The following SSH2 variants were observed in gnomAD, a reference collection of about 807,000 sequenced individuals.
SSH2 encodes the protein protein phosphatase Slingshot homolog 2.
Under a neutral mutation model 135.2 loss-of-function variants are expected in SSH2, and 37 were observed. The ratio of observed to expected loss-of-function variants is 0.27; its 90% CI spans 0.21 to 0.36. The LOEUF (loss-of-function observed/expected upper bound fraction) is 0.36. Among genes scored for constraint, SSH2 ranks in the 10% least tolerant of loss-of-function variants. SSH2 has a pLI of 1.00. For missense variants in SSH2, 1,408 were observed against 1,765.3 expected (o/e 0.80, Z 3.63); for synonymous variants, 628 against 646.2 (o/e 0.97, Z 0.43).
Position 29,631,897 on chromosome 17 carries a change from G to C in SSH2, c.3297C>G (p.His1099Gln), listed in dbSNP as rs2035694699. The C allele has an allele frequency of 6.2e-7, 1 of 1,614,226 alleles. No homozygotes were observed. The highest frequency in any genetic ancestry group is 8.5e-7 in the Non-Finnish European group (1 of 1,180,040). The change falls in exon 16 of 16, where the codon CAC becomes CAG. Residue 1099 changes from histidine (H) to glutamine (Q), a missense_variant. Around this residue, in one of 3 missense-constraint regions of SSH2, gnomAD observed 1,080 missense variants for 1,144.5 expected, o/e 0.94. Transcript: ENST00000540801. ...AATGAGGCAGAGGTAGCACTTGGGG[G>C]TGCAGAGAAACCTGGTTGGGGTCCA... ...RTLDPNQVSL[H>Q]PQVLPLPHSS... is the part of the protein sequence containing the mutation.
In SSH2 at chr17:29,647,814, C is replaced by G; in HGVS notation, c.1427+330G>C. Reference sequence around the variant, plus strand: ...AGTAGCTGGGATTACAGGGGCCCATCATCATGCCCAGCTAATATTTGTATT... The same window carrying G: ...AGTAGCTGGGATTACAGGGGCCCATGATCATGCCCAGCTAATATTTGTATT... On this transcript the variant is annotated intron_variant, in intron 14 of 15. Coordinates refer to ENST00000540801, the MANE Select transcript of SSH2 (RefSeq NM_001282129.2). 1.2e-5 allele frequency: 3 copies of G among 259,586 alleles called. No individual in the cohort carries two copies. The Middle Eastern group carries it at 4.5e-3, about 386-fold the overall frequency. The allele number at this position is 259,586 out of a possible 1,614,324, so 16.1% of individuals were successfully genotyped here.
At chr17:29,825,973 A>G (rs1405417662) in intron 2 of SSH2, among the ~76,000 whole-genome samples, 3 of 152,220 alleles carry the variant, frequency 2.0e-5, no homozygotes, top group African/African-American at 7.2e-5. Flanking sequence ...ATAGCTACAT[A>G]TATTAAATAT....
intron 5 of SSH2, among the ~76,000 whole-genome samples, chr17:29,689,750 C>T (rs2038384161): frequency 2.0e-5 from 3 of 152,064 alleles, no homozygotes. Flanking sequence ...TAATGCTATT[C>T]CCTCGGCATC....
At chr17:29,682,353 C>G (rs2038021308) in intron 6 of SSH2, among the ~76,000 whole-genome samples, 1 of 152,176 alleles carries the variant, frequency 6.6e-6, no homozygotes, top group African/African-American at 2.4e-5. Flanking sequence ...TCCAACTGAA[C>G]TTTCTGCAAG....
intron 3 of SSH2, among the ~76,000 whole-genome samples, chr17:29,741,589 T>C (rs545097553): frequency 4.6e-5 from 7 of 150,562 alleles, no homozygotes; most frequent in African/African-American, 7.3e-5. Context: ...TGCAAAGCAA[T>C]AGACACGAAA....
chr17:29,642,943 C>A (rs965621109), intron 14 of SSH2, among the ~76,000 whole-genome samples: 2 of 152,220 alleles, frequency 1.3e-5, no homozygotes, highest in African/African-American at 4.8e-5. Flanking sequence ...AACCATGGAG[C>A]TACCGAATGC....
chr17:29,698,253 T>G (rs982024649), intron 4 of SSH2, among the ~76,000 whole-genome samples: 3 of 152,186 alleles, frequency 2.0e-5, no homozygotes, highest in Non-Finnish European at 4.4e-5. Flanking sequence ...AAAAATGTTC[T>G]AAAATTAGAT....
chr17:29,784,439 T>C (rs1191085159), intron 3 of SSH2, among the ~76,000 whole-genome samples: 2 of 150,660 alleles, frequency 1.3e-5, no homozygotes, highest in Non-Finnish European at 3.0e-5. Flanking sequence ...TGAGGTCAGG[T>C]TACAAAAATT....
chr17:29,853,350 G>T (rs1055029645), intron 1 of SSH2, among the ~76,000 whole-genome samples: 7 of 151,768 alleles, frequency 4.6e-5, no homozygotes, highest in Non-Finnish European at 8.8e-5. Context: ...CTCCCAAAGT[G>T]CTGGGATTAC....
chr17:29,698,071 G>A (rs1422893673), intron 4 of SSH2, among the ~76,000 whole-genome samples: 1 of 152,160 alleles, frequency 6.6e-6, no homozygotes, highest in Non-Finnish European at 1.5e-5. Context: ...AACATGCTAA[G>A]TAAAAGGAGC....
intron 11 of SSH2, among the ~76,000 whole-genome samples, chr17:29,664,825 T>G (rs550487005): frequency 5.3e-5 from 8 of 152,294 alleles, no homozygotes; most frequent in South Asian, 2.1e-4. Flanking sequence ...ACAATACTAT[T>G]AAAATTTGCT....
intron 1 of SSH2, among the ~76,000 whole-genome samples, chr17:29,853,107 CAG>C (rs2065595181): frequency 1.3e-5 from 1 of 79,920 alleles, no homozygotes; most frequent in Admixed American, 1.5e-4. Flanking sequence ...TTTTTTTTTC[CAG>C]AGTCTCACTC....
intron 12 of SSH2, among the ~76,000 whole-genome samples, chr17:29,651,508 C>T (rs2036577006): frequency 6.6e-6 from 1 of 152,226 alleles, no homozygotes; most frequent in African/African-American, 2.4e-5. Flanking sequence ...TTATCTTTCT[C>T]ACTGCACAAT....
At chr17:29,681,314 A>G (rs2037975623) in intron 6 of SSH2, among the ~76,000 whole-genome samples, 3 of 132,386 alleles carry the variant, frequency 2.3e-5, no homozygotes, top group African/African-American at 8.6e-5. Flanking sequence ...CAGCCTGGCC[A>G]CAGAGTGAGA....
At chr17:29,665,144 C>A (rs1051294696) in intron 11 of SSH2, among the ~76,000 whole-genome samples, 1 of 152,104 alleles carries the variant, frequency 6.6e-6, no homozygotes, top group Non-Finnish European at 1.5e-5. Flanking sequence ...ATAGATAACA[C>A]AAAGATTCTT....
At chr17:29,834,185 C>A (rs2042905448) in intron 2 of SSH2, among the ~76,000 whole-genome samples, 1 of 151,668 alleles carries the variant, frequency 6.6e-6, no homozygotes, top group South Asian at 2.1e-4. Context: ...AAATGACTTT[C>A]ACAGAAGAAA....
intron 5 of SSH2, among the ~76,000 whole-genome samples, chr17:29,694,012 C>A (rs1315289772): frequency 1.3e-5 from 2 of 152,166 alleles, no homozygotes; most frequent in African/African-American, 4.8e-5. Flanking sequence ...CAAGCTTGTG[C>A]AACCCGTGGC....
intron 3 of SSH2, among the ~76,000 whole-genome samples, chr17:29,742,156 C>A (rs1227092690): frequency 1.3e-5 from 2 of 151,686 alleles, no homozygotes; most frequent in African/African-American, 2.4e-5. Flanking sequence ...AAGATGGTCT[C>A]GATTTCCTGA....
chr17:29,739,506 T>TTTA (rs2040485893), intron 3 of SSH2, among the ~76,000 whole-genome samples: 1 of 152,208 alleles, frequency 6.6e-6, no homozygotes, highest in South Asian at 2.1e-4. Context: ...CACTGCTAAC[T>TTTA]TAAAGGATAT....
Sources: gnomAD v4.1 joint callset for allele counts (sites outside exome capture counted in the v4.1 genomes callset) on GRCh38, gnomAD v4.1.1 for gene constraint, gnomAD v4.1.1 regional missense constraint, MANE v1.5 for transcripts, NCBI Gene and HGNC (gene_info 2026-07-23, HGNC 2026-07-21) for gene names.